GULP1: variants seen among roughly 807,000 people sequenced by gnomAD.
The protein encoded by GULP1 is PTB domain-containing engulfment adapter protein 1.
GULP1 carries 19 observed loss-of-function variants against 40.9 expected under a neutral mutation model. That is an observed-to-expected ratio of 0.46 (90% confidence interval 0.32 to 0.68). The LOEUF is 0.68. GULP1 is among the 30% of genes least tolerant of loss of function. GULP1 has a pLI of 0.03. For synonymous variants in GULP1, 119 were observed against 117.6 expected (o/e 1.01, Z -0.08); for missense variants, 312 against 362.2 (o/e 0.86, Z 1.12).
intron 1 of GULP1, among the ~76,000 whole-genome samples, chr2:188,322,867 C>G (rs962150238): frequency 3.9e-5 from 6 of 152,088 alleles, no homozygotes; most frequent in African/African-American, 1.4e-4. Flanking sequence ...TTTTCTCACT[C>G]TTGTTCATGG....
At position 188,298,163 on chromosome 2, in the gene GULP1, T is replaced by C. The variant is rs1016074392; in HGVS notation, c.-172+5997T>C. 3.3e-5 allele frequency among the ~76,000 whole-genome samples: 5 copies of C among 152,116 alleles called. No homozygotes were observed. The East Asian group carries it at 9.6e-4, about 29-fold the overall frequency. ...GGAACTGTGTAGTAATAAAGGACTT[T>C]GGTTGATGATCAAACTCTCCTTTTA... On this transcript the variant is annotated intron_variant, in intron 1 of 11. Coordinates refer to ENST00000409830, the MANE Select transcript of GULP1 (RefSeq NM_016315.4).
At chr2:188,454,472 G>A (rs150037577) in intron 2 of GULP1, among the ~76,000 whole-genome samples, 7 of 152,226 alleles carry the variant, frequency 4.6e-5, no homozygotes, top group African/African-American at 1.7e-4. Context: ...GGATCAATCA[G>A]AGGAAAGCAT....
At chr2:188,503,760 C>T (rs557855372) in intron 4 of GULP1, among the ~76,000 whole-genome samples, 3 of 151,976 alleles carry the variant, frequency 2.0e-5, no homozygotes, top group African/African-American at 7.2e-5. Flanking sequence ...CATGTAATAA[C>T]ACACACCAAA....
At position 188,508,609 on chromosome 2, in the gene GULP1, T is replaced by G. The variant is rs1021061021; in HGVS notation, c.91-14147T>G. ...CCCACCATATTTGGATGCTTGATGT[T>G]CCTGTCTTCCCGTCTGTCATTTAGT... On this transcript the variant is annotated intron_variant, in intron 4 of 11. Coordinates refer to ENST00000409830, the MANE Select transcript of GULP1 (RefSeq NM_016315.4). Among the ~76,000 whole-genome samples, 3 of 151,728 alleles carry G rather than the reference T, an allele frequency of 2.0e-5. No homozygotes were observed. The East Asian group carries it at 5.8e-4, about 29-fold the overall frequency.
chr2:188,325,391 C>T lies in GULP1; in HGVS notation c.-172+33225C>T, dbSNP rs960649792. 2.6e-5 allele frequency among the ~76,000 whole-genome samples: 4 copies of T among 151,892 alleles called. No homozygotes were observed. The East Asian group carries it at 7.7e-4, about 29-fold the overall frequency. On this transcript the variant is annotated intron_variant, in intron 1 of 11. Coordinates refer to ENST00000409830, the MANE Select transcript of GULP1 (RefSeq NM_016315.4). ...AAAATTTTGCTGTTGTTACTTCATG[C>T]CTTGTTCAATCTCGTGTTAAGTCTA... is the stretch of plus-strand genomic sequence containing the variant.
At chr2:188,534,419 A>T (rs1048455365) in intron 6 of GULP1, among the ~76,000 whole-genome samples, 6 of 152,144 alleles carry the variant, frequency 3.9e-5, no homozygotes, top group Non-Finnish European at 7.4e-5. Context: ...ATTCTTACTT[A>T]TAAGTGGGTA....
chr2:188,451,687 A>G (rs1302944498), intron 2 of GULP1, among the ~76,000 whole-genome samples: 1 of 152,088 alleles, frequency 6.6e-6, no homozygotes, highest in Non-Finnish European at 1.5e-5. Flanking sequence ...CTTTGCCTGC[A>G]CTTTGTAAAC....
intron 4 of GULP1, among the ~76,000 whole-genome samples, chr2:188,512,759 C>T (rs1052688669): frequency 1.3e-5 from 2 of 152,042 alleles, no homozygotes; most frequent in Non-Finnish European, 2.9e-5. Context: ...AATCCTCAAA[C>T]TTCCACACAT....
At chr2:188,324,389 G>T (rs1288076323) in intron 1 of GULP1, among the ~76,000 whole-genome samples, 3 of 152,000 alleles carry the variant, frequency 2.0e-5, no homozygotes, top group African/African-American at 7.2e-5. Flanking sequence ...CATATAAAAT[G>T]CCCATAAACT....
At chr2:188,425,009 C>G (rs1171064944) in intron 2 of GULP1, among the ~76,000 whole-genome samples, 1 of 151,826 alleles carries the variant, frequency 6.6e-6, no homozygotes, top group Non-Finnish European at 1.5e-5. Flanking sequence ...TGGCTTGTTT[C>G]TTTTTTTCGA....
chr2:188,489,033 T>G (rs960782167), intron 4 of GULP1, among the ~76,000 whole-genome samples: 1 of 152,012 alleles, frequency 6.6e-6, no homozygotes, highest in Non-Finnish European at 1.5e-5. Flanking sequence ...TAATGCTCTT[T>G]AAATTGTTTT....
At chr2:188,428,748 A>G (rs2056517179) in intron 2 of GULP1, among the ~76,000 whole-genome samples, 1 of 152,100 alleles carries the variant, frequency 6.6e-6, no homozygotes, top group East Asian at 1.9e-4. Context: ...TCTTTTCTTT[A>G]TAATTTAACC....
At position 188,594,019 on chromosome 2, in the gene GULP1, A is replaced by AACAAG. The variant is rs1242051810; in HGVS notation, c.*10_*14dup. 1 of 1,512,436 alleles carries AACAAG rather than the reference A, an allele frequency of 6.6e-7. No individual in the cohort carries two copies. Among genetic ancestry groups the AACAAG allele is most frequent in the Non-Finnish European group, 9.2e-7 (1 of 1,088,998 alleles). 93.7% of individuals were successfully genotyped at this position (1,512,436 alleles called of 1,614,324 possible). A position where few individuals can be genotyped will look rare whatever the true frequency, so the allele number is the denominator to read the frequency against. On this transcript the variant is annotated 3_prime_UTR_variant, in exon 12 of 12. Coordinates refer to ENST00000409830, the MANE Select transcript of GULP1 (RefSeq NM_016315.4). ...TTAGACAGTAGGTGCTGACATCAAGAACAAGAAATCCTGATTCATGTTAAA... is the reference window on the plus strand; with the variant it reads ...TTAGACAGTAGGTGCTGACATCAAGAACAAGACAAGAAATCCTGATTCATGTTAAA...
At position 188,433,179 on chromosome 2, in the gene GULP1, A is replaced by G. The variant is rs570786058; in HGVS notation, c.-44-44480A>G. On this transcript the variant is annotated intron_variant, in intron 2 of 11. Coordinates refer to ENST00000409830, the MANE Select transcript of GULP1 (RefSeq NM_016315.4). ...CCCCAGCATGCCCTTGAACTTTCCC[A>G]TTTACGCAAATACTTGGAAGCAGAG... 6.6e-5 allele frequency among the ~76,000 whole-genome samples: 10 copies of G among 152,216 alleles called. 1 individual carries two copies. The South Asian group carries it at 2.1e-3, about 32-fold the overall frequency.
intron 1 of GULP1, among the ~76,000 whole-genome samples, chr2:188,353,822 A>G (rs2044856597): frequency 6.6e-6 from 1 of 151,380 alleles, no homozygotes; most frequent in Non-Finnish European, 1.5e-5. Flanking sequence ...CAGATACCAA[A>G]CCCCTCCTAC....
intron 4 of GULP1, among the ~76,000 whole-genome samples, chr2:188,489,739 C>G (rs1204972509): frequency 1.3e-5 from 2 of 151,996 alleles, no homozygotes; most frequent in African/African-American, 4.8e-5. Flanking sequence ...TAAAATGTTA[C>G]CTTTCCCTTG....
chr2:188,393,322 A>T (rs2050778640), intron 2 of GULP1, among the ~76,000 whole-genome samples: 1 of 151,876 alleles, frequency 6.6e-6, no homozygotes, highest in African/African-American at 2.4e-5. Context: ...TTTTTTTATT[A>T]TTATGTAATG....
chr2:188,540,229 C>T (rs1026723278), intron 6 of GULP1, among the ~76,000 whole-genome samples: 1 of 151,932 alleles, frequency 6.6e-6, no homozygotes, highest in Non-Finnish European at 1.5e-5. Context: ...TAATCAAAAA[C>T]ATTGAATTTC....
At chr2:188,530,197 A>G in intron 6 of GULP1, among the ~76,000 whole-genome samples, 1 of 152,180 alleles carries the variant, frequency 6.6e-6, no homozygotes, top group East Asian at 1.9e-4. Flanking sequence ...AAATACACAG[A>G]CAACCCTAGG....
Sources: allele counts gnomAD v4.1 joint callset (sites outside exome capture counted in the v4.1 genomes callset), GRCh38; gene constraint gnomAD v4.1.1; transcripts MANE v1.5; gene names NCBI Gene and HGNC (gene_info 2026-07-23, HGNC 2026-07-21).